LIPA: variants seen among roughly 807,000 people sequenced by gnomAD.
LIPA encodes lipase A, lysosomal acid type, also known as lysosomal acid lipase/cholesteryl ester hydrolase.
A neutral mutation model predicts 40.6 loss-of-function variants in LIPA; 26 were observed. That is an observed-to-expected ratio of 0.64 (90% CI 0.47 to 0.89). The LOEUF is 0.89. LIPA is among the 40% of genes least tolerant of loss of function. The pLI is 0.00. For missense variants in LIPA, 455 were observed against 479.6 expected (o/e 0.95, Z 0.48); for synonymous variants, 188 against 168.4 (o/e 1.12, Z -0.90).
chr10:89,370,343 G>A lies in LIPA; in HGVS notation c.61+42448C>T, dbSNP rs559743412. Reference sequence around the variant, plus strand: ...GGGCTCAAGCAATCCTGCCGCCTCAGCCTTCCAACTAACTAGGACTACAGG... The same window carrying A: ...GGGCTCAAGCAATCCTGCCGCCTCAACCTTCCAACTAACTAGGACTACAGG... On this transcript the variant is annotated intron_variant, in intron 2 of 8. Coordinates refer to the LIPA transcript ENST00000371837. Among the ~76,000 whole-genome samples, 27 of 151,774 alleles carry A rather than the reference G, an allele frequency of 1.8e-4. 2 individuals carry two copies. The highest frequency in any genetic ancestry group is 3.4e-3 in the Middle Eastern group (1 of 294).
At chr10:89,234,865 C>A (rs1842885886) in intron 3 of LIPA, among the ~76,000 whole-genome samples, 1 of 152,242 alleles carries the variant, frequency 6.6e-6, no homozygotes, top group South Asian at 2.1e-4. Flanking sequence ...TACTGAAAAT[C>A]CTTTGAAGTT....
intron 6 of LIPA, 37 bp from the exon 7 acceptor site, chr10:89,223,867 T>C: frequency 1.2e-6 from 2 of 1,608,978 alleles, no homozygotes; most frequent in Non-Finnish European, 1.7e-6. Context: ...CATCTCAGCA[T>C]TTCACTCTGG....
chr10:89,412,821 C>A, exon 2 of LIPA: 1 of 405,670 alleles, frequency 2.5e-6, no homozygotes, highest in Admixed American at 3.0e-5. Context: ...CACATCTGAA[C>A]ATCGAAAGGA....
exon 1 of LIPA, chr10:89,414,510 C>A: frequency 2.5e-6 from 1 of 401,904 alleles, no homozygotes. Flanking sequence ...GGCTCTTGAG[C>A]TCTTCTATTA....
intron 2 of LIPA, among the ~76,000 whole-genome samples, chr10:89,410,545 T>C (rs1841460756): frequency 6.6e-6 from 1 of 152,228 alleles, no homozygotes; most frequent in Non-Finnish European, 1.5e-5. Flanking sequence ...GTAACCATAC[T>C]TGAAAGTAAG....
chr10:89,276,496 T>C (rs142355359), intron 1 of LIPA, among the ~76,000 whole-genome samples: 2 of 152,354 alleles, frequency 1.3e-5, no homozygotes, highest in East Asian at 1.9e-4. Context: ...AGTAATGGCA[T>C]TGCCCTATCT....
rs147825074 is a variant in LIPA at position 89,367,209 on chromosome 10, G to A, written c.61+45582C>T. 9.9e-3 allele frequency among the ~76,000 whole-genome samples: 1,509 copies of A among 152,060 alleles called. 28 individuals are homozygous for A. Among genetic ancestry groups the A allele is most frequent in the African/African-American group, 0.035 (1,435 of 41,444 alleles). On this transcript the variant is annotated intron_variant, in intron 2 of 8. Transcript: ENST00000371837. The stretch of plus-strand genomic sequence containing the variant: ...GGGAGGGGCAGGGATAGCATTAGGA[G>A]ATATACCTAATGTAAATGACAAGTT...
intron 2 of LIPA, chr10:89,393,471 G>T: frequency 2.4e-6 from 1 of 408,918 alleles, no homozygotes. Flanking sequence ...GGGGGCTCAT[G>T]CTTGTAATCC....
At chr10:89,296,678 A>G (rs1021438724) in intron 1 of LIPA, among the ~76,000 whole-genome samples, 3 of 152,086 alleles carry the variant, frequency 2.0e-5, no homozygotes, top group South Asian at 2.1e-4. Context: ...AAAAAAAATT[A>G]TGGTAAATAA....
chr10:89,218,334 C>T (rs529555162), intron 8 of LIPA, among the ~76,000 whole-genome samples: 1 of 152,276 alleles, frequency 6.6e-6, no homozygotes, highest in African/African-American at 2.4e-5. Flanking sequence ...AAACAACTAT[C>T]ACTGCAAAAA....
At chr10:89,341,959 C>G (rs1304000844) in intron 1 of LIPA, among the ~76,000 whole-genome samples, 3 of 151,988 alleles carry the variant, frequency 2.0e-5, no homozygotes, top group African/African-American at 7.3e-5. Flanking sequence ...GTTCTCACTA[C>G]AAAAAGAAAG....
At chr10:89,402,641 G>A (rs746960830) in intron 2 of LIPA, 3 of 1,614,236 alleles carry the variant, frequency 1.9e-6, no homozygotes, top group African/African-American at 2.7e-5. Flanking sequence ...ACAAGGTGGA[G>A]AACATTTGCA....
At chr10:89,241,314 G>A (rs762484195) in intron 3 of LIPA, among the ~76,000 whole-genome samples, 3 of 152,086 alleles carry the variant, frequency 2.0e-5, no homozygotes, top group East Asian at 3.9e-4. Flanking sequence ...TACCCAATGC[G>A]CCATCAGAGT....
At chr10:89,414,555 TTTC>T in exon 1 of LIPA, 1 of 452,130 alleles carries the variant, frequency 2.2e-6, no homozygotes, top group Non-Finnish European at 3.9e-6. Context: ...TTAGTTTCGA[TTTC>T]TTAAGTTTCA....
chr10:89,295,020 TGAAAGGAAAGGAAAG>T (rs56297817), intron 1 of LIPA, among the ~76,000 whole-genome samples: 1,266 of 106,636 alleles, frequency 0.012, 29 homozygotes, highest in African/African-American at 0.042. Context: ...GGAAATGAAA[TGAAAGGAAAGGAAAG>T]GAAAGGAAAG....
At chr10:89,301,726 T>C (rs1843446115) in intron 1 of LIPA, among the ~76,000 whole-genome samples, 1 of 152,184 alleles carries the variant, frequency 6.6e-6, no homozygotes, top group African/African-American at 2.4e-5. Flanking sequence ...TAAATAATTG[T>C]ATTACAAGTC....
intron 1 of LIPA, among the ~76,000 whole-genome samples, chr10:89,291,241 T>TC (rs747562179): frequency 6.6e-6 from 1 of 152,016 alleles, no homozygotes; most frequent in Admixed American, 6.6e-5. Context: ...CCTCATTTTT[T>TC]CCCCTTCCTC....
intron 2 of LIPA, among the ~76,000 whole-genome samples, chr10:89,367,979 T>C (rs760557036): frequency 6.6e-6 from 1 of 152,138 alleles, no homozygotes; most frequent in African/African-American, 2.4e-5. Flanking sequence ...CCACTATGCC[T>C]GGCTGATTTT....
chr10:89,228,859 C>T (rs371036365), intron 3 of LIPA, among the ~76,000 whole-genome samples: 1 of 152,232 alleles, frequency 6.6e-6, no homozygotes, highest in Non-Finnish European at 1.5e-5. Context: ...AAAACACCAA[C>T]TGCTGAAGAG....
Sources: allele counts gnomAD v4.1 joint callset (sites outside exome capture counted in the v4.1 genomes callset), GRCh38; gene constraint gnomAD v4.1.1; transcripts MANE v1.5; gene names NCBI Gene and HGNC (gene_info 2026-07-23, HGNC 2026-07-21).